Variants in ASCC3 observed in about 807,000 individuals in gnomAD.
ASCC3 encodes the protein activating signal cointegrator 1 complex subunit 3.
In ASCC3, 158 loss-of-function variants were observed where a neutral mutation model predicts 256.3. That is an observed-to-expected ratio of 0.62 (90% CI 0.54 to 0.70). ASCC3 has a LOEUF of 0.70. Among genes scored for constraint, ASCC3 ranks in the 30% least tolerant of loss-of-function variants. The pLI is 0.00. For missense variants in ASCC3, 2,259 were observed against 2,626.0 expected, an observed-to-expected ratio of 0.86 and a Z score of 3.05; for synonymous variants, 948 against 883.4, an observed-to-expected ratio of 1.07 and a Z score of -1.30.
chr6:100,834,175 G>A (rs1460333374), intron 4 of ASCC3, among the ~76,000 whole-genome samples: 1 of 152,104 alleles, frequency 6.6e-6, no homozygotes, highest in Non-Finnish European at 1.5e-5. Flanking sequence ...CTAATACAAG[G>A]TTGTTTTCTA....
rs1014023837 is a variant in ASCC3 at position 100,573,305 on chromosome 6, AT to A, written c.5550+16328del. On this transcript the variant is annotated intron_variant, in intron 36 of 41. Coordinates refer to ENST00000369162, the MANE Select transcript of ASCC3 (RefSeq NM_006828.4). ...TACTGAGGAGACATCTGGGACATGAATCATGAATCTTTTGGAAACAGTTGTA... is the reference window on the plus strand; with the variant it reads ...TACTGAGGAGACATCTGGGACATGAACATGAATCTTTTGGAAACAGTTGTA... Among the ~76,000 whole-genome samples, 8 of 152,136 alleles carry A rather than the reference AT, an allele frequency of 5.3e-5. 1 individual carries two copies. The highest frequency in any genetic ancestry group is 1.2e-4 in the Non-Finnish European group (8 of 68,008).
At chr6:100,624,040 A>C (rs1774104880) in intron 30 of ASCC3, among the ~76,000 whole-genome samples, 1 of 151,892 alleles carries the variant, frequency 6.6e-6, no homozygotes, top group South Asian at 2.1e-4. Context: ...TGGGTGCAGC[A>C]CACCAACATG....
intron 10 of ASCC3, among the ~76,000 whole-genome samples, chr6:100,737,629 T>C (rs560337159): frequency 3.3e-5 from 5 of 152,336 alleles, no homozygotes; most frequent in South Asian, 4.1e-4. Flanking sequence ...CAGTCTATCA[T>C]TGATGGGCAT....
At chr6:100,851,776 TC>T (rs1271642845) in intron 3 of ASCC3, among the ~76,000 whole-genome samples, 1 of 152,158 alleles carries the variant, frequency 6.6e-6, no homozygotes, top group Non-Finnish European at 1.5e-5. Flanking sequence ...TTCTGGGAGT[TC>T]CACCAGCCAA....
At chr6:100,552,135 A>G (rs990836857) in intron 36 of ASCC3, among the ~76,000 whole-genome samples, 57 of 151,706 alleles carry the variant, frequency 3.8e-4, no homozygotes, top group Middle Eastern at 3.5e-3. Context: ...TAAATGTTAG[A>G]AATAATAATA....
Position 100,640,030 on chromosome 6 carries a change from G to A in ASCC3, c.3902-1209C>T, listed in dbSNP as rs554679044. 2.0e-5 allele frequency among the ~76,000 whole-genome samples: 3 copies of A among 152,154 alleles called. No individual in the cohort carries two copies. The South Asian group carries it at 6.2e-4, about 32-fold the overall frequency. On this transcript the variant is annotated intron_variant, in intron 24 of 41. Coordinates refer to ENST00000369162, the MANE Select transcript of ASCC3 (RefSeq NM_006828.4). ...CTCGGGAGGCTGAGGCAGGAGAATCGCTTGAACCCGGCGAGTGGTGGTTGC... is the reference window on the plus strand; with the variant it reads ...CTCGGGAGGCTGAGGCAGGAGAATCACTTGAACCCGGCGAGTGGTGGTTGC...
intron 13 of ASCC3, among the ~76,000 whole-genome samples, chr6:100,691,199 A>G (rs1260252136): frequency 6.6e-6 from 1 of 151,830 alleles, no homozygotes; most frequent in Non-Finnish European, 1.5e-5. Context: ...CAATCAATTC[A>G]CCAATATAGC....
At chr6:100,822,674 G>GATAACTA (rs1289830304) in intron 4 of ASCC3, among the ~76,000 whole-genome samples, 12 of 151,956 alleles carry the variant, frequency 7.9e-5, no homozygotes, top group African/African-American at 1.9e-4. Flanking sequence ...AATTCAAATA[G>GATAACTA]ATAACTACAA....
intron 30 of ASCC3, among the ~76,000 whole-genome samples, chr6:100,615,558 A>G (rs956756571): frequency 6.6e-6 from 1 of 152,136 alleles, no homozygotes; most frequent in Admixed American, 6.5e-5. Flanking sequence ...AATTCATGAT[A>G]AAATGTGATA....
At chr6:100,761,113 T>C (rs1020140111) in intron 10 of ASCC3, among the ~76,000 whole-genome samples, 2 of 152,104 alleles carry the variant, frequency 1.3e-5, no homozygotes, top group Admixed American at 6.6e-5. Flanking sequence ...ATATTAACTA[T>C]AAGAGAACAA....
intron 37 of ASCC3, among the ~76,000 whole-genome samples, chr6:100,526,390 G>C (rs1562094118): frequency 3.3e-5 from 5 of 152,134 alleles, no homozygotes. Flanking sequence ...GGAGCAGGGG[G>C]TAGAAGGATC....
At chr6:100,601,789 T>C (rs754057230) in intron 34 of ASCC3, 21 bp downstream of exon 34, 34 of 1,611,252 alleles carry the variant, frequency 2.1e-5, no homozygotes, top group Non-Finnish European at 2.3e-5. Context: ...CAGAAAGGTA[T>C]ATAACTGCCC....
At chr6:100,844,781 T>C (rs745482268) in intron 4 of ASCC3, among the ~76,000 whole-genome samples, 15 of 152,014 alleles carry the variant, frequency 9.9e-5, no homozygotes, top group Admixed American at 2.0e-4. Context: ...GGGGATGATA[T>C]TGGCAAAAGC....
intron 4 of ASCC3, among the ~76,000 whole-genome samples, chr6:100,844,494 A>G (rs1403935198): frequency 1.3e-5 from 2 of 152,030 alleles, no homozygotes; most frequent in African/African-American, 4.8e-5. Context: ...CTGGTTCTGA[A>G]ACACCCGCAG....
chr6:100,874,511 A>AAAAAGAT (rs1279184643), intron 1 of ASCC3, among the ~76,000 whole-genome samples: 2 of 151,356 alleles, frequency 1.3e-5, no homozygotes, highest in Admixed American at 6.6e-5. Flanking sequence ...TTGTACCAGG[A>AAAAAGAT]AAAAGATTCC....
chr6:100,865,087 G>A (rs890834512), intron 2 of ASCC3, among the ~76,000 whole-genome samples: 9 of 152,128 alleles, frequency 5.9e-5, no homozygotes, highest in African/African-American at 2.2e-4. Flanking sequence ...AATTTCAAAT[G>A]TGACTAGTCA....
At chr6:100,835,429 A>G (rs1771827817) in intron 4 of ASCC3, among the ~76,000 whole-genome samples, 1 of 152,072 alleles carries the variant, frequency 6.6e-6, no homozygotes, top group African/African-American at 2.4e-5. Context: ...AAGTCATTAC[A>G]CTATTTTGAG....
intron 4 of ASCC3, among the ~76,000 whole-genome samples, chr6:100,815,575 C>G (rs1489903432): frequency 6.6e-6 from 1 of 151,944 alleles, no homozygotes; most frequent in Admixed American, 6.6e-5. Context: ...GATATATAGA[C>G]AAATAGAACA....
intron 13 of ASCC3, among the ~76,000 whole-genome samples, chr6:100,690,154 C>A (rs1267243305): frequency 6.6e-6 from 1 of 152,014 alleles, no homozygotes; most frequent in Non-Finnish European, 1.5e-5. Flanking sequence ...TTGCATTTAA[C>A]CTATGCACAT....
Sources: allele counts gnomAD v4.1 joint callset (sites outside exome capture counted in the v4.1 genomes callset), GRCh38; gene constraint gnomAD v4.1.1; transcripts MANE v1.5; gene names NCBI Gene and HGNC (gene_info 2026-07-23, HGNC 2026-07-21).